Variants in MDGA2 observed in about 807,000 individuals in gnomAD.
MDGA2 encodes the protein MAM domain containing glycosylphosphatidylinositol anchor 2, also known as MAM domain-containing glycosylphosphatidylinositol anchor protein 2.
Under a neutral mutation model 117.8 loss-of-function variants are expected in MDGA2, and 40 were observed. The observed-to-expected ratio is 0.34, with a 90% CI of 0.26 to 0.44. The LOEUF is 0.44. Ranked by LOEUF, MDGA2 falls within the 20% of genes least tolerant of loss-of-function variation. MDGA2 has a pLI of 1.00. For missense variants in MDGA2, 1,123 were observed against 1,250.6 expected, an observed-to-expected ratio of 0.90 and a Z score of 1.54; for synonymous variants, 452 against 439.0, an observed-to-expected ratio of 1.03 and a Z score of -0.37.
intron 10 of MDGA2, among the ~76,000 whole-genome samples, chr14:46,917,536 G>A (rs562238840): frequency 4.6e-5 from 7 of 152,232 alleles, no homozygotes; most frequent in Admixed American, 1.3e-4. Context: ...GGCCGTATTG[G>A]CTAGAATTGG....
chr14:47,385,679 C>T (rs1315687233), intron 1 of MDGA2, among the ~76,000 whole-genome samples: 1 of 152,106 alleles, frequency 6.6e-6, no homozygotes, highest in Non-Finnish European at 1.5e-5. Flanking sequence ...GCAATGCTGT[C>T]ACTGTTTCTT....
intron 1 of MDGA2, among the ~76,000 whole-genome samples, chr14:47,518,516 C>A (rs989886847): frequency 6.6e-6 from 1 of 152,194 alleles, no homozygotes; most frequent in East Asian, 1.9e-4. Flanking sequence ...ACATCACACA[C>A]AAAATAGATA....
Position 46,874,290 on chromosome 14 carries a change from C to T in MDGA2, c.2438-90G>A, listed in dbSNP as rs892459439. 1.0e-5 allele frequency: 6 copies of T among 579,304 alleles called. No individual in the cohort carries two copies. The African/African-American group carries it at 1.2e-4, about 11-fold the overall frequency. The allele number at this position is 579,304 out of a possible 1,614,324, so 35.9% of individuals were successfully genotyped here. A position where few individuals can be genotyped will look rare whatever the true frequency, so the allele number is the denominator to read the frequency against. On this transcript the variant is annotated intron_variant, in intron 12 of 16. Transcript: ENST00000399232. ...AAGAAAAATGTAAAATATTACATAG[C>T]AATAATAATGCAAGATTGTGACAAT...
At chr14:47,474,028 A>C (rs1893784337) in intron 1 of MDGA2, among the ~76,000 whole-genome samples, 1 of 152,202 alleles carries the variant, frequency 6.6e-6, no homozygotes, top group Non-Finnish European at 1.5e-5. Context: ...ATAGGAAGAG[A>C]GGAAGTCAAA....
In MDGA2 at chr14:47,130,790, G is replaced by A. The variant is rs994127048; in HGVS notation, c.925+924C>T. ...GTGCAAAAGCTAGTAAGTGGCACAAGCAGAGTCTAGACCCAGACACAAAAA... is the reference window on the plus strand; with the variant it reads ...GTGCAAAAGCTAGTAAGTGGCACAAACAGAGTCTAGACCCAGACACAAAAA... On this transcript the variant is annotated intron_variant, in intron 5 of 16. Transcript: ENST00000399232. Among the ~76,000 whole-genome samples, 13 of 152,170 alleles carry A rather than the reference G, an allele frequency of 8.5e-5. No individual in the cohort carries two copies. In the East Asian group the frequency reaches 1.7e-3, roughly 20 times the overall value.
In MDGA2 at chr14:47,569,753, T is replaced by C. The variant is rs755596506; in HGVS notation, c.280+104764A>G. ...TCAGTTTACTAAAAGAATAATCCAA[T>C]GGATAAATCAAACTTAAGTATATTT... On this transcript the variant is annotated intron_variant, in intron 1 of 16. Coordinates refer to ENST00000399232, the MANE Select transcript of MDGA2 (RefSeq NM_001113498.3). Among the ~76,000 whole-genome samples, 6 of 152,354 alleles carry C rather than the reference T, an allele frequency of 3.9e-5. No individual in the cohort carries two copies. In the South Asian group the frequency reaches 8.3e-4, roughly 21 times the overall value.
At chr14:47,618,137 C>T (rs1376391939) in intron 1 of MDGA2, among the ~76,000 whole-genome samples, 1 of 152,096 alleles carries the variant, frequency 6.6e-6, no homozygotes, top group East Asian at 1.9e-4. Flanking sequence ...CAAGGATAAA[C>T]ATATGCATAA....
intron 3 of MDGA2, among the ~76,000 whole-genome samples, chr14:47,145,934 A>C (rs11629181): frequency 0.1 from 15,178 of 152,088 alleles, 1,036 homozygotes; most frequent in African/African-American, 0.18. Flanking sequence ...CTCTTATTAT[A>C]AATAGGTAAA....
intron 2 of MDGA2, among the ~76,000 whole-genome samples, chr14:47,266,583 G>C (rs1887972845): frequency 6.6e-6 from 1 of 152,122 alleles, no homozygotes; most frequent in Admixed American, 6.6e-5. Flanking sequence ...ATTTCAGAGA[G>C]GACTCAACTC....
chr14:46,995,950 G>A (rs1159830493), intron 8 of MDGA2, among the ~76,000 whole-genome samples: 3 of 151,688 alleles, frequency 2.0e-5, no homozygotes, highest in East Asian at 1.9e-4. Context: ...AATGAAGACC[G>A]CATTTCATTT....
intron 3 of MDGA2, among the ~76,000 whole-genome samples, chr14:47,173,117 C>T (rs974878716): frequency 6.6e-6 from 1 of 152,142 alleles, no homozygotes; most frequent in Admixed American, 6.5e-5. Flanking sequence ...TAAAAAGAAA[C>T]AAACAAAGCC....
At chr14:47,000,389 A>ATG (rs35755442) in intron 8 of MDGA2, among the ~76,000 whole-genome samples, 2 of 50,284 alleles carry the variant, frequency 4.0e-5, no homozygotes, top group Non-Finnish European at 7.6e-5. Flanking sequence ...ATATATATAT[A>ATG]TTTATATATA....
chr14:47,290,826 A>G (rs1888860317), intron 2 of MDGA2, among the ~76,000 whole-genome samples: 4 of 152,004 alleles, frequency 2.6e-5, no homozygotes. Flanking sequence ...AGAAAGTGTG[A>G]TTCCTCTGGT....
chr14:47,335,284 TA>T (rs35051327), intron 1 of MDGA2, among the ~76,000 whole-genome samples: 36,508 of 107,724 alleles, frequency 0.34, 5,592 homozygotes, highest in East Asian at 0.47. Flanking sequence ...AAGTATATGG[TA>T]AAAAAAAAAA....
intron 4 of MDGA2, among the ~76,000 whole-genome samples, chr14:47,134,776 A>AATATATATATATATATATATATAT (rs1882370965): frequency 2.9e-5 from 4 of 136,914 alleles, no homozygotes; most frequent in African/African-American, 1.1e-4. Flanking sequence ...ACACACACAC[A>AATATATATATATATATATATATAT]CTATATATAT....
chr14:47,085,315 A>G (rs898049209), intron 6 of MDGA2, among the ~76,000 whole-genome samples: 9 of 152,194 alleles, frequency 5.9e-5, no homozygotes, highest in African/African-American at 2.2e-4. Flanking sequence ...AGAAATCATT[A>G]TAATAGAAAA....
chr14:46,856,596 A>G (rs1180328279), intron 14 of MDGA2, among the ~76,000 whole-genome samples: 1 of 152,050 alleles, frequency 6.6e-6, no homozygotes. Context: ...CCTAAGCGTA[A>G]TATTGATGAT....
At chr14:47,105,034 T>C (rs564260671) in intron 5 of MDGA2, among the ~76,000 whole-genome samples, 1 of 152,298 alleles carries the variant, frequency 6.6e-6, no homozygotes, top group Admixed American at 6.5e-5. Context: ...CAGCCTTCCC[T>C]TGGTGTTTAA....
chr14:47,088,749 G>A, intron 6 of MDGA2, among the ~76,000 whole-genome samples: 1 of 152,112 alleles, frequency 6.6e-6, no homozygotes, highest in East Asian at 1.9e-4. Flanking sequence ...TATGCTGAAT[G>A]TTTTAGTTAT....
Sources: gnomAD v4.1 joint callset for allele counts (sites outside exome capture counted in the v4.1 genomes callset) on GRCh38, gnomAD v4.1.1 for gene constraint, MANE v1.5 for transcripts, NCBI Gene and HGNC (gene_info 2026-07-23, HGNC 2026-07-21) for gene names.